MBD1: variants seen among roughly 807,000 people sequenced by gnomAD.
The protein encoded by MBD1 is methyl-CpG-binding domain protein 1.
Under a neutral mutation model 82.6 loss-of-function variants are expected in MBD1, and 25 were observed. The ratio of observed to expected loss-of-function variants is 0.30; its 90% CI spans 0.22 to 0.42. MBD1 has a LOEUF of 0.42. MBD1 is among the 10% of genes least tolerant of loss of function. MBD1 has a pLI of 1.00. For synonymous variants in MBD1, 301 were observed against 303.7 expected (o/e 0.99, Z 0.09); for missense variants, 627 against 819.6 (o/e 0.76, Z 2.87).
chr18:50,273,276 A>T, intron 13 of MBD1, 58 bp downstream of exon 13: 1 of 1,605,694 alleles, frequency 6.2e-7, no homozygotes, highest in Non-Finnish European at 8.5e-7. Flanking sequence ...GCTCATCATC[A>T]CTCTGCTTAC....
chr18:50,268,931 C>T lies in MBD1; in HGVS notation c.*920G>A. On this transcript the variant is annotated 3_prime_UTR_variant, in exon 17 of 17. Coordinates refer to ENST00000269468, the MANE Select transcript of MBD1 (RefSeq NM_015846.4). ...TAAATTATTTCCAATTCCTACTGTG[C>T]CCCAAACAAGGTTCACAAAAGGGCT... is the stretch of plus-strand genomic sequence containing the variant. The T allele has an allele frequency of 4.1e-6, 4 of 984,914 alleles. No homozygotes were observed. The highest frequency in any genetic ancestry group is 4.8e-6 in the Non-Finnish European group (4 of 829,444). The allele number at this position is 984,914 out of a possible 1,614,324, so 61.0% of individuals were successfully genotyped here.
rs533160552 is a variant in MBD1, at chr18:50,276,035, T to C, written c.517-54A>G. 2.2e-3 allele frequency: 3,434 copies of C among 1,583,978 alleles called. 6 individuals carry two copies. The highest frequency in any genetic ancestry group is 2.7e-3 in the Non-Finnish European group (3,110 of 1,168,866). On this transcript the variant is annotated intron_variant, in intron 6 of 16. Transcript: ENST00000269468. ...GGGCCTGCTCCAGAAGCACTGGTCC[T>C]CCCATGTCTACTGACCCTACATCAG...
rs752322184 is a variant in MBD1, at chr18:50,275,989, G to A, written c.517-8C>T. 3.7e-6 allele frequency: 6 copies of A among 1,610,826 alleles called. No homozygotes were observed. Among genetic ancestry groups the A allele is most frequent in the South Asian group, 1.1e-5 (1 of 90,954 alleles). ...CTCCCCACAGCCCACACGCTGCCAG[G>A]AATGGTAGGGACGAGATCACGGGCC... On this transcript the variant is annotated splice_region_variant and splice_polypyrimidine_tract_variant and intron_variant, in intron 6 of 16. Coordinates refer to ENST00000269468, the MANE Select transcript of MBD1 (RefSeq NM_015846.4).
At chr18:50,276,780 C>T in intron 4 of MBD1, 36 bp from the exon 5 acceptor site, 1 of 1,613,768 alleles carries the variant, frequency 6.2e-7, no homozygotes, top group Non-Finnish European at 8.5e-7. Context: ...GCTCCAAGAG[C>T]ACCCCCAATC....
intron 15 of MBD1, 104 bp downstream of exon 15, chr18:50,272,573 C>A: frequency 2.3e-6 from 3 of 1,278,036 alleles, no homozygotes; most frequent in Non-Finnish European, 3.4e-6. Flanking sequence ...TGGGCCTTTA[C>A]CTCCCACCAC....
At chr18:50,267,188 G>A (rs2034030604), downstream of MBD1, 1 of 167,722 alleles carries the variant, frequency 6.0e-6, no homozygotes, top group South Asian at 1.3e-4. Flanking sequence ...TGCCCCTCCC[G>A]CCGGCCTCCC....
chr18:50,273,527 G>T, intron 12 of MBD1, 37 bp downstream of exon 12: 1 of 1,613,530 alleles, frequency 6.2e-7, no homozygotes, highest in Non-Finnish European at 8.5e-7. Flanking sequence ...ATGCAGCTGG[G>T]TGAGGCTGGG....
rs936265181 is a variant in MBD1 at position 50,272,864 on chromosome 18, A to G, written c.1676T>C (p.Leu559Ser). The change falls in exon 14 of 17, where the codon TTG becomes TCG. Residue 559 changes from leucine to serine, a missense_variant. Transcript: ENST00000269468. Reference protein sequence around the residue: ...EENKDDSASKLAPEEEAGGAG... With the variant: ...EENKDDSASKSAPEEEAGGAG... ...CCCTCCTGCCTCTTCCTCTGGGGCC[A>G]ATTTGGAGGCAGAATCATCCTTGTT... 4 of 1,614,134 alleles carry G rather than the reference A, an allele frequency of 2.5e-6. No individual in the cohort carries two copies. In the East Asian group the frequency reaches 6.7e-5, roughly 27 times the overall value.
chr18:50,280,565 C>A (rs1298961047), intron 1 of MBD1, among the ~76,000 whole-genome samples: 1 of 151,960 alleles, frequency 6.6e-6, no homozygotes, highest in African/African-American at 2.4e-5. Context: ...GTCCTCTTAT[C>A]CTGCTACCTC....
chr18:50,272,646 C>A, intron 15 of MBD1, 31 bp downstream of exon 15: 2 of 1,613,622 alleles, frequency 1.2e-6, no homozygotes, highest in South Asian at 2.2e-5. Flanking sequence ...AACACCCACT[C>A]CTTCCCCACC....
At chr18:50,276,290 G>T in intron 6 of MBD1, 88 bp downstream of exon 6, 1 of 1,342,160 alleles carries the variant, frequency 7.5e-7, no homozygotes, top group South Asian at 1.2e-5. Flanking sequence ...TCATCCTGTG[G>T]ACCCATCATC....
downstream of MBD1, chr18:50,267,756 C>G (rs914960400): frequency 2.6e-6 from 2 of 782,482 alleles, no homozygotes; most frequent in Non-Finnish European, 4.3e-6. Context: ...AAATCAGTAC[C>G]TACGTCAAAC....
At chr18:50,278,698 T>C (rs2039036497) in intron 2 of MBD1, among the ~76,000 whole-genome samples, 1 of 152,254 alleles carries the variant, frequency 6.6e-6, no homozygotes, top group African/African-American at 2.4e-5. Flanking sequence ...ATGTTGACTC[T>C]CATTAGTTAT....
At position 50,269,655 on chromosome 18, in the gene MBD1, T is replaced by C. The variant is rs2034638936; in HGVS notation, c.*196A>G. On this transcript the variant is annotated 3_prime_UTR_variant, in exon 17 of 17. Coordinates refer to ENST00000269468, the MANE Select transcript of MBD1 (RefSeq NM_015846.4). ...TAACTCTGTGAGGAAGGGCACCAGC[T>C]TCTTCTGCAGGACACCCACATCATC... The C allele has an allele frequency of 1.3e-6, 1 of 755,418 alleles. No individual in the cohort carries two copies. The highest frequency in any genetic ancestry group is 1.7e-5 in the African/African-American group (1 of 58,602). 46.8% of individuals were successfully genotyped at this position (755,418 alleles called of 1,614,324 possible).
intron 15 of MBD1, 50 bp from the exon 16 acceptor site, chr18:50,271,590 G>T: frequency 6.3e-7 from 1 of 1,599,690 alleles, no homozygotes; most frequent in Non-Finnish European, 8.6e-7. Flanking sequence ...TGCTATGTGC[G>T]CAATGGAGCA....
Position 50,269,177 on chromosome 18 carries a change from T to C in MBD1, c.*674A>G. 9.6e-7 allele frequency: 1 copy of C among 1,036,848 alleles called. No individual in the cohort carries two copies. The allele number at this position is 1,036,848 out of a possible 1,614,324, so 64.2% of individuals were successfully genotyped here. ...ACAAAAATAGCCAGGACCAGCAAGT[T>C]TTTTCTGGGTGGGCTTCATAGAATC... On this transcript the variant is annotated 3_prime_UTR_variant, in exon 17 of 17. Transcript: ENST00000269468.
At chr18:50,270,087 T>A (rs751294842) in intron 16 of MBD1, 21 of 1,597,958 alleles carry the variant, frequency 1.3e-5, no homozygotes, top group Non-Finnish European at 1.8e-5. Context: ...GGTTGGTTCC[T>A]GGGGGAAACA....
chr18:50,267,240 A>G (rs1338465422), downstream of MBD1: 1 of 228,498 alleles, frequency 4.4e-6, no homozygotes, highest in Non-Finnish European at 8.9e-6. Context: ...GCGTGGCCGC[A>G]AATATCTTAC....
At chr18:50,273,522 G>T (rs2036511835) in intron 12 of MBD1, 42 bp downstream of exon 12, 1 of 1,613,428 alleles carries the variant, frequency 6.2e-7, no homozygotes, top group Non-Finnish European at 8.5e-7. Context: ...CTGGCATGCA[G>T]CTGGGTGAGG....
Sources: allele counts gnomAD v4.1 joint callset (sites outside exome capture counted in the v4.1 genomes callset), GRCh38; gene constraint gnomAD v4.1.1; transcripts MANE v1.5; gene names NCBI Gene and HGNC (gene_info 2026-07-23, HGNC 2026-07-21).